The following ZNF469 variants were observed in gnomAD, a reference collection of about 807,000 sequenced individuals.
ZNF469 encodes zinc finger protein 469.
In ZNF469, 1 loss-of-function variant was observed where a neutral mutation model predicts 1.0. The ratio of observed to expected loss-of-function variants is 1.00; its 90% confidence interval spans 0.35 to 4.73. ZNF469 has a LOEUF of 4.73. Ranked by LOEUF, ZNF469 falls within the 30% of genes most tolerant of loss-of-function variation. The pLI, the probability that ZNF469 is intolerant of heterozygous loss-of-function variation, is 0.16. For missense variants in ZNF469, 6,100 were observed against 5,356.3 expected (o/e 1.14, Z -4.33); for synonymous variants, 2,703 against 2,363.4 (o/e 1.14, Z -4.17).
At chr16:88,178,779 C>A in the ZNF469 span, 1 of 152,026 alleles carries the variant, frequency 6.6e-6, no homozygotes, top group African/African-American at 2.4e-5. Context: ...GACACAGTCA[C>A]TCACTCATTC....
intron 1 of ZNF469, among the ~76,000 whole-genome samples, chr16:88,403,821 C>A (rs550910350): frequency 6.6e-6 from 1 of 152,362 alleles, no homozygotes; most frequent in East Asian, 1.9e-4. Context: ...CTCCCGCCCC[C>A]ACTCAGCTCA....
intron 1 of ZNF469, among the ~76,000 whole-genome samples, chr16:88,417,789 G>A (rs1396444368): frequency 1.3e-5 from 2 of 152,228 alleles, no homozygotes; most frequent in African/African-American, 4.8e-5. Context: ...AGCTCTCAGA[G>A]TCTCCTATAG....
chr16:88,319,978 G>C, the ZNF469 span, among the ~76,000 whole-genome samples: 1 of 152,182 alleles, frequency 6.6e-6, no homozygotes, highest in African/African-American at 2.4e-5. Context: ...CATCTCCCCG[G>C]CCTGAAGCCT....
the ZNF469 span, among the ~76,000 whole-genome samples, chr16:88,317,300 C>T: frequency 6.6e-6 from 1 of 152,240 alleles, no homozygotes; most frequent in African/African-American, 2.4e-5. Flanking sequence ...CGTGGAGCCT[C>T]CTTCTGCCTT....
chr16:88,109,613 G>A, the ZNF469 span, among the ~76,000 whole-genome samples: 2 of 145,222 alleles, frequency 1.4e-5, no homozygotes, highest in African/African-American at 2.6e-5. Flanking sequence ...CTGTGTCCAC[G>A]CTGTCTCCTC....
chr16:88,215,383 A>ACTTTTTTTTTTTTTTTTTTTTTTTTTT, the ZNF469 span, among the ~76,000 whole-genome samples: 1 of 94,188 alleles, frequency 1.1e-5, no homozygotes. Flanking sequence ...TTGCCTTTTA[A>ACTTTTTTTTTTTTTTTTTTTTTTTTTT]TTTTTTTTTT....
chr16:88,316,827 G>A, the ZNF469 span, among the ~76,000 whole-genome samples: 13 of 151,058 alleles, frequency 8.6e-5, 1 homozygote, highest in African/African-American at 2.9e-4. Flanking sequence ...GATTACAGGC[G>A]TGAGCCACTG....
At chr16:88,133,616 A>G in the ZNF469 span, among the ~76,000 whole-genome samples, 2 of 151,970 alleles carry the variant, frequency 1.3e-5, no homozygotes, top group African/African-American at 4.8e-5. Context: ...AATAATTTTA[A>G]TAAATCAATA....
the ZNF469 span, among the ~76,000 whole-genome samples, chr16:88,356,504 A>G: frequency 2.0e-5 from 3 of 151,714 alleles, no homozygotes; most frequent in African/African-American, 7.3e-5. Context: ...GTGTGTGTGT[A>G]CATGTGCCTG....
At chr16:88,316,059 A>G in the ZNF469 span, among the ~76,000 whole-genome samples, 5 of 152,236 alleles carry the variant, frequency 3.3e-5, no homozygotes, top group African/African-American at 4.8e-5. Context: ...TCACCAGGGC[A>G]CATGCTGCCA....
chr16:88,112,852 A>G, the ZNF469 span, among the ~76,000 whole-genome samples: 1 of 129,942 alleles, frequency 7.7e-6, no homozygotes, highest in African/African-American at 3.0e-5. Context: ...ATCTCAGCTC[A>G]CTGCAAGCTC....
At chr16:88,186,945 C>T in the ZNF469 span, among the ~76,000 whole-genome samples, 1 of 152,164 alleles carries the variant, frequency 6.6e-6, no homozygotes, top group Non-Finnish European at 1.5e-5. Context: ...GCTCAACACA[C>T]CCTGCCCCCC....
At chr16:88,193,040 TG>T in the ZNF469 span, among the ~76,000 whole-genome samples, 1 of 148,418 alleles carries the variant, frequency 6.7e-6, no homozygotes, top group Admixed American at 6.7e-5. Flanking sequence ...GTGGTGATGG[TG>T]GTGGTGATGA....
chr16:88,184,700 G>GCACGGCCGGCGT, the ZNF469 span, among the ~76,000 whole-genome samples: 1 of 151,868 alleles, frequency 6.6e-6, no homozygotes, highest in African/African-American at 2.4e-5. Flanking sequence ...CTTCACGGCT[G>GCACGGCCGGCGT]CACGGCCGGC....
chr16:88,209,245 A>T, the ZNF469 span, among the ~76,000 whole-genome samples: 1 of 151,522 alleles, frequency 6.6e-6, no homozygotes, highest in African/African-American at 2.4e-5. Context: ...ACACCGTCTC[A>T]TCGGTCTCTG....
the ZNF469 span, among the ~76,000 whole-genome samples, chr16:88,228,562 T>C: frequency 6.6e-6 from 1 of 152,252 alleles, no homozygotes; most frequent in African/African-American, 2.4e-5. Flanking sequence ...TTTCCGTAAC[T>C]TATTTTGAAA....
At chr16:88,297,287 A>G in the ZNF469 span, among the ~76,000 whole-genome samples, 38 of 152,268 alleles carry the variant, frequency 2.5e-4, no homozygotes, top group African/African-American at 9.1e-4. Flanking sequence ...GGCTTCAGGT[A>G]TGATCAAAGA....
In ZNF469 at chr16:88,438,486, G is replaced by C. The variant is rs967698954; in HGVS notation, c.11016G>C (p.Lys3672Asn). Reference protein sequence around the residue: ...RGAFHKGSATKPAGCQSSSKD... With the variant: ...RGAFHKGSATNPAGCQSSSKD... ...CCTTCCACAAGGGCAGCGCCACCAA[G>C]CCTGCGGGCTGCCAGAGCTCATCAA... Residue 3672 changes from lysine to asparagine, a missense_variant, in exon 3 of 3, where the codon AAG becomes AAC. Lys to Asn is a moderately conservative substitution (Grantham distance 94). Coordinates refer to ENST00000565624, the MANE Select transcript of ZNF469 (RefSeq NM_001367624.2). 2.6e-6 allele frequency: 4 copies of C among 1,550,126 alleles called. No homozygotes were observed. In the South Asian group the frequency reaches 3.6e-5, roughly 14 times the overall value.
chr16:88,437,988 G>C lies in ZNF469; in HGVS notation c.10518G>C (p.Pro3506=), dbSNP rs376379111. Residue 3506 remains proline, a synonymous_variant, in exon 3 of 3, where the codon CCG becomes CCC. Transcript: ENST00000565624. ...SSPILSEGSL[P]ALLHLCSEVA... is the part of the protein sequence containing the mutation. Reference sequence around the variant, plus strand: ...CCATCCTGAGTGAGGGCTCTCTCCCGGCCCTGCTCCACCTGTGTTCGGAGG... The same window carrying C: ...CCATCCTGAGTGAGGGCTCTCTCCCCGCCCTGCTCCACCTGTGTTCGGAGG... 4 of 1,548,574 alleles carry C rather than the reference G, an allele frequency of 2.6e-6. No individual in the cohort carries two copies. Among genetic ancestry groups the C allele is most frequent in the African/African-American group, 1.4e-5 (1 of 73,156 alleles).
Sources: allele counts gnomAD v4.1 joint callset (sites outside exome capture counted in the v4.1 genomes callset), GRCh38; gene constraint gnomAD v4.1.1; transcripts MANE v1.5; gene names NCBI Gene and HGNC (gene_info 2026-07-23, HGNC 2026-07-21).